Variants in TBC1D32 observed in about 807,000 individuals in gnomAD.
TBC1D32 encodes the protein TBC1 domain family member 32.
Under a neutral mutation model 170.3 loss-of-function variants are expected in TBC1D32, and 151 were observed. The ratio of observed to expected loss-of-function variants is 0.89; its 90% CI spans 0.78 to 1.01. The LOEUF (loss-of-function observed/expected upper bound fraction) is 1.01, where lower values mean the gene tolerates loss of function less well. Among genes scored for constraint, TBC1D32 ranks in the 50% least tolerant of loss-of-function variants. TBC1D32 has a pLI of 0.00. For synonymous variants in TBC1D32, 498 were observed against 488.0 expected, an observed-to-expected ratio of 1.02 and a Z score of -0.27; for missense variants, 1,464 against 1,457.1, an observed-to-expected ratio of 1.00 and a Z score of -0.08.
At chr6:121,096,595 C>T (rs1777441894) in intron 30 of TBC1D32, among the ~76,000 whole-genome samples, 1 of 152,082 alleles carries the variant, frequency 6.6e-6, no homozygotes. Context: ...TAGGAAGAAT[C>T]AATATCATGA....
intron 29 of TBC1D32, among the ~76,000 whole-genome samples, chr6:121,111,473 T>A (rs1194963151): frequency 2.0e-5 from 3 of 152,192 alleles, no homozygotes; most frequent in African/African-American, 7.2e-5. Flanking sequence ...TTAGATTTTT[T>A]AAAATCTTCA....
At position 121,080,777 on chromosome 6, in the gene TBC1D32, G is replaced by T; in HGVS notation, c.3768C>A (p.Ser1256Arg). ...AAACCGTGTGTCTCATGATCTATGT[G>T]CTCTGCAGTCTAATGTTCCGCATGT... is the stretch of plus-strand genomic sequence containing the variant. ...LRDMRNIRLQ[S>R]T Residue 1256 changes from serine (S) to arginine (R), a missense_variant, in exon 32 of 32, where the codon AGC becomes AGA. By Grantham distance (110) the Ser-to-Arg change is moderately radical (BLOSUM62 -1). This residue lies in a region of TBC1D32 where 97 missense variants were observed against 102.0 expected (regional missense o/e 0.95). Coordinates refer to ENST00000398212, the MANE Select transcript of TBC1D32 (RefSeq NM_152730.6). 6.2e-7 allele frequency: 1 copy of T among 1,612,020 alleles called. No individual in the cohort carries two copies. Among genetic ancestry groups the T allele is most frequent in the Non-Finnish European group, 8.5e-7 (1 of 1,179,286 alleles).
intron 24 of TBC1D32, among the ~76,000 whole-genome samples, chr6:121,154,631 C>T (rs1426228088): frequency 1.3e-5 from 2 of 152,108 alleles, no homozygotes; most frequent in South Asian, 2.1e-4. Context: ...TCGACATAGG[C>T]TTTGGCAAAA....
intron 22 of TBC1D32, among the ~76,000 whole-genome samples, chr6:121,197,356 A>G (rs1434819682): frequency 6.6e-6 from 1 of 152,188 alleles, no homozygotes; most frequent in African/African-American, 2.4e-5. Context: ...TGACCTCCTG[A>G]GGTACTGAAG....
chr6:121,132,799 T>A (rs983036131), intron 24 of TBC1D32, among the ~76,000 whole-genome samples: 1 of 151,988 alleles, frequency 6.6e-6, no homozygotes, highest in Non-Finnish European at 1.5e-5. Context: ...AAGGTACTTA[T>A]ACCCATGAGA....
At chr6:121,111,513 A>T (rs898320591) in intron 29 of TBC1D32, among the ~76,000 whole-genome samples, 1 of 152,160 alleles carries the variant, frequency 6.6e-6, no homozygotes, top group East Asian at 1.9e-4. Context: ...GAATTACTCA[A>T]ATTCTGGTTA....
chr6:121,145,950 A>G (rs1175583493), intron 24 of TBC1D32, among the ~76,000 whole-genome samples: 1 of 152,190 alleles, frequency 6.6e-6, no homozygotes, highest in Non-Finnish European at 1.5e-5. Context: ...GACATAGGGC[A>G]AGTAGAACAG....
intron 11 of TBC1D32, 96 bp from the exon 12 acceptor site, chr6:121,292,289 C>T: frequency 1.2e-5 from 16 of 1,305,790 alleles, no homozygotes; most frequent in Non-Finnish European, 1.7e-5. Flanking sequence ...AGGCTACAGG[C>T]TAGAATGGAG....
intron 22 of TBC1D32, among the ~76,000 whole-genome samples, chr6:121,203,742 G>A (rs1030494455): frequency 2.6e-5 from 4 of 151,276 alleles, no homozygotes; most frequent in African/African-American, 4.9e-5. Context: ...CAACGTCCAT[G>A]TTGCTAACCA....
At chr6:121,101,278 C>T (rs148770076) in intron 30 of TBC1D32, among the ~76,000 whole-genome samples, 2,728 of 152,010 alleles carry the variant, frequency 0.018, 85 homozygotes, top group African/African-American at 0.063. Flanking sequence ...GTCAGAGACA[C>T]AACAAAAAGA....
intron 22 of TBC1D32, among the ~76,000 whole-genome samples, chr6:121,184,893 C>T (rs1341671718): frequency 4.6e-5 from 7 of 151,934 alleles, no homozygotes; most frequent in African/African-American, 9.7e-5. Flanking sequence ...GGAAAGAGGC[C>T]GACCTATCCA....
chr6:121,194,974 G>A (rs1274387133), intron 22 of TBC1D32, among the ~76,000 whole-genome samples: 1 of 152,196 alleles, frequency 6.6e-6, no homozygotes. Flanking sequence ...ATGTCTAGGG[G>A]TCCAGTGGTG....
chr6:121,194,666 G>A (rs1280826764), intron 22 of TBC1D32, among the ~76,000 whole-genome samples: 1 of 152,142 alleles, frequency 6.6e-6, no homozygotes, highest in African/African-American at 2.4e-5. Context: ...CTCCATTCCT[G>A]TCCATAAGGC....
At chr6:121,100,550 C>T (rs1777913036) in intron 30 of TBC1D32, among the ~76,000 whole-genome samples, 1 of 151,966 alleles carries the variant, frequency 6.6e-6, no homozygotes, top group African/African-American at 2.4e-5. Flanking sequence ...AGAACAAAGA[C>T]ACAACATACC....
At position 121,085,318 on chromosome 6, in the gene TBC1D32, CACATATATATATACAT is replaced by C. The variant is rs1322517527; in HGVS notation, c.3655-4444_3655-4429del. On this transcript the variant is annotated intron_variant, in intron 31 of 31. Transcript: ENST00000398212. ...ATACATACATATATATACATATATA[CACATATATATATACAT>C]ACATATATATACATACATATATATA... 4.3e-5 allele frequency among the ~76,000 whole-genome samples: 6 copies of C among 141,038 alleles called. No individual in the cohort carries two copies. In the East Asian group the frequency reaches 1.0e-3, roughly 23 times the overall value. 92.5% of individuals were successfully genotyped at this position (141,038 alleles called of 152,430 possible).
At chr6:121,143,746 C>T (rs1007757338) in intron 24 of TBC1D32, among the ~76,000 whole-genome samples, 4 of 152,044 alleles carry the variant, frequency 2.6e-5, no homozygotes, top group Non-Finnish European at 4.4e-5. Context: ...TTAAAGTGCA[C>T]TATTAATGTT....
intron 20 of TBC1D32, among the ~76,000 whole-genome samples, chr6:121,237,807 T>C (rs1337069772): frequency 6.6e-6 from 1 of 152,102 alleles, no homozygotes; most frequent in African/African-American, 2.4e-5. Context: ...AAATCCTAAA[T>C]TCTTCATTTC....
intron 24 of TBC1D32, among the ~76,000 whole-genome samples, chr6:121,138,076 C>G (rs1204724072): frequency 1.3e-5 from 2 of 152,078 alleles, no homozygotes; most frequent in African/African-American, 4.8e-5. Context: ...TCACTTTACT[C>G]TTACCATAAT....
intron 4 of TBC1D32, among the ~76,000 whole-genome samples, chr6:121,309,810 G>C (rs748521466): frequency 3.9e-5 from 6 of 152,074 alleles, no homozygotes; most frequent in African/African-American, 1.4e-4. Flanking sequence ...AAGGGAGGTG[G>C]ATCACTTGAG....
Sources: gnomAD v4.1 joint callset for allele counts (sites outside exome capture counted in the v4.1 genomes callset) on GRCh38, gnomAD v4.1.1 for gene constraint, gnomAD v4.1.1 regional missense constraint, MANE v1.5 for transcripts, NCBI Gene and HGNC (gene_info 2026-07-23, HGNC 2026-07-21) for gene names.